KCNMA1: variants seen among roughly 807,000 people sequenced by gnomAD.
KCNMA1 encodes the protein potassium calcium-activated channel subfamily M alpha 1.
A neutral mutation model predicts 140.0 loss-of-function variants in KCNMA1; 29 were observed. The ratio of observed to expected loss-of-function variants is 0.21; its 90% confidence interval spans 0.15 to 0.28. The LOEUF is 0.28. Among genes scored for constraint, KCNMA1 ranks in the 10% least tolerant of loss-of-function variants. The pLI, the probability that KCNMA1 is intolerant of heterozygous loss-of-function variation, is 1.00. For synonymous variants in KCNMA1, 612 were observed against 611.9 expected, an observed-to-expected ratio of 1.00 and a Z score of 0.00; for missense variants, 880 against 1,602.2, an observed-to-expected ratio of 0.55 and a Z score of 7.70.
chr10:76,881,705 T>C (rs934369028), downstream of KCNMA1, among the ~76,000 whole-genome samples: 1 of 152,148 alleles, frequency 6.6e-6, no homozygotes, highest in African/African-American at 2.4e-5. Context: ...CTCTTGAATG[T>C]GATGACAAAT....
chr10:76,886,024 T>C lies in KCNMA1; in HGVS notation c.*1242A>G, dbSNP rs2036742624. The stretch of plus-strand genomic sequence containing the variant: ...AATTCCTTCCCACCAGCTTTCTGCA[T>C]TGGGACAGCCAGCACCGCACAGCTG... On this transcript the variant is annotated 3_prime_UTR_variant, in exon 28 of 28. Transcript: ENST00000286628. The C allele has an allele frequency of 1.7e-5, 17 of 985,438 alleles. No homozygotes were observed. The highest frequency in any genetic ancestry group is 2.0e-5 in the Non-Finnish European group (17 of 829,926). The allele number at this position is 985,438 out of a possible 1,614,324, so 61.0% of individuals were successfully genotyped here.
rs1370610536 is a variant in KCNMA1 at position 77,173,011 on chromosome 10, GC to G, written c.808+10409del. On this transcript the variant is annotated intron_variant, in intron 5 of 27. Transcript: ENST00000286628. ...CTCATGATCTAATCATCTCCCAGAG[GC>G]CCCATCTCCAACACGACGGCATTGG... Among the ~76,000 whole-genome samples, 3 of 152,000 alleles carry G rather than the reference GC, an allele frequency of 2.0e-5. No individual in the cohort carries two copies. The East Asian group carries it at 5.8e-4, about 29-fold the overall frequency.
chr10:77,131,407 C>T (rs11818009), intron 5 of KCNMA1, among the ~76,000 whole-genome samples: 34,894 of 151,488 alleles, frequency 0.23, 5,014 homozygotes, highest in Middle Eastern at 0.35. Context: ...AAAACACTGT[C>T]AAGTACATCT....
intron 16 of KCNMA1, chr10:77,025,532 G>T (rs1565615775): frequency 8.2e-7 from 1 of 1,213,990 alleles, no homozygotes; most frequent in Non-Finnish European, 1.2e-6. Flanking sequence ...AGGAAAGAAG[G>T]AATAAAACCT....
chr10:77,142,736 T>C (rs2616651), intron 5 of KCNMA1, among the ~76,000 whole-genome samples: 58,433 of 152,058 alleles, frequency 0.38, 12,539 homozygotes, highest in East Asian at 0.88. Flanking sequence ...CTGGAAATGA[T>C]AGACAGAACT....
At chr10:77,556,234 G>A (rs896937132) in intron 1 of KCNMA1, among the ~76,000 whole-genome samples, 3 of 152,068 alleles carry the variant, frequency 2.0e-5, no homozygotes, top group Admixed American at 6.5e-5. Context: ...GGTCAGGCGC[G>A]GTGGCTCATG....
intron 5 of KCNMA1, among the ~76,000 whole-genome samples, chr10:77,138,901 TC>T: frequency 6.6e-6 from 1 of 152,338 alleles, no homozygotes; most frequent in African/African-American, 2.4e-5. Flanking sequence ...GACCACCCGA[TC>T]TGGAGCCCAG....
chr10:77,581,053 A>G (rs2075730928), intron 1 of KCNMA1, among the ~76,000 whole-genome samples: 1 of 152,184 alleles, frequency 6.6e-6, no homozygotes, highest in Non-Finnish European at 1.5e-5. Flanking sequence ...TGCTATCACC[A>G]TCATAAAATT....
chr10:77,102,801 C>T (rs1053795784), intron 9 of KCNMA1, among the ~76,000 whole-genome samples: 2 of 152,186 alleles, frequency 1.3e-5, no homozygotes, highest in Non-Finnish European at 2.9e-5. Flanking sequence ...GAATCTTAGT[C>T]TTTTCTGGTT....
At chr10:76,974,591 G>A in intron 19 of KCNMA1, 1 of 1,491,270 alleles carries the variant, frequency 6.7e-7, no homozygotes, top group Non-Finnish European at 9.1e-7. Flanking sequence ...ACAATAAGGA[G>A]AAAAGAAAAT....
chr10:77,108,700 T>C lies in KCNMA1; in HGVS notation c.1132-128A>G, dbSNP rs2097251936. 4 of 721,460 alleles carry C rather than the reference T, an allele frequency of 5.5e-6. No individual in the cohort carries two copies. The highest frequency in any genetic ancestry group is 7.3e-6 in the Non-Finnish European group (3 of 411,456). The allele number at this position is 721,460 out of a possible 1,614,324, so 44.7% of individuals were successfully genotyped here. A position where few individuals can be genotyped will look rare whatever the true frequency, so the allele number is the denominator to read the frequency against. On this transcript the variant is annotated intron_variant, in intron 8 of 27. Transcript: ENST00000286628. The surrounding 1 kb of genome is among the most constrained non-coding windows in gnomAD (Gnocchi z 4.6). ...TTAGGCCTGCAAAGGTATATATTGA[T>C]ATGTTGGATCATAAAAAACTAAAAG... is the stretch of plus-strand genomic sequence containing the variant.
At chr10:77,179,952 T>A (rs1003711779) in intron 5 of KCNMA1, among the ~76,000 whole-genome samples, 10 of 152,184 alleles carry the variant, frequency 6.6e-5, no homozygotes, top group Non-Finnish European at 1.2e-4. Flanking sequence ...AATGAATATA[T>A]TCTGTACTAT....
At chr10:77,136,512 A>G (rs1460369095) in intron 5 of KCNMA1, among the ~76,000 whole-genome samples, 4 of 152,104 alleles carry the variant, frequency 2.6e-5, no homozygotes, top group Non-Finnish European at 5.9e-5. Context: ...TGAACTGTAC[A>G]CTAAAAATAA....
chr10:77,240,985 G>A (rs1275817428), intron 3 of KCNMA1, among the ~76,000 whole-genome samples: 1 of 152,228 alleles, frequency 6.6e-6, no homozygotes, highest in African/African-American at 2.4e-5. Context: ...AGACTATTAA[G>A]TTGTCTTAAA....
chr10:77,417,221 C>A (rs1470526341), intron 1 of KCNMA1, among the ~76,000 whole-genome samples: 1 of 152,228 alleles, frequency 6.6e-6, no homozygotes, highest in Non-Finnish European at 1.5e-5. Context: ...TCTGCTCCCC[C>A]AATTCCACAT....
intron 20 of KCNMA1, among the ~76,000 whole-genome samples, chr10:76,967,768 A>C (rs2074511632): frequency 6.6e-6 from 1 of 152,196 alleles, no homozygotes; most frequent in Non-Finnish European, 1.5e-5. Flanking sequence ...AAGGCAACCA[A>C]CATGAGAAGC....
intron 5 of KCNMA1, among the ~76,000 whole-genome samples, chr10:77,141,169 A>C (rs1186982929): frequency 6.6e-6 from 1 of 152,198 alleles, no homozygotes; most frequent in African/African-American, 2.4e-5. Context: ...ATTCTGGGCT[A>C]TCCAGAGGAA....
Position 76,992,907 on chromosome 10 carries a change from G to A in KCNMA1, c.2266+8500C>T, listed in dbSNP as rs559198173. On this transcript the variant is annotated intron_variant, in intron 19 of 27. Transcript: ENST00000286628. ...GAAGGTTAAGTGTTTGAAAACTACA[G>A]TGGATTTTCAGTGAATGGGATGTGA... Among the ~76,000 whole-genome samples the A allele has an allele frequency of 2.1e-4, 32 of 152,310 alleles. 1 individual carries two copies. The South Asian group carries it at 6.6e-3, about 32-fold the overall frequency.
intron 3 of KCNMA1, among the ~76,000 whole-genome samples, chr10:77,206,857 C>G (rs1014832379): frequency 6.6e-6 from 1 of 151,994 alleles, no homozygotes; most frequent in South Asian, 2.1e-4. Flanking sequence ...AAGATTAAGT[C>G]TATGGTCAAT....
Sources: allele counts gnomAD v4.1 joint callset (sites outside exome capture counted in the v4.1 genomes callset), GRCh38; gene constraint gnomAD v4.1.1; non-coding constraint Gnocchi (gnomAD v3.1); transcripts MANE v1.5; gene names NCBI Gene and HGNC (gene_info 2026-07-23, HGNC 2026-07-21).